The following ARPC1A variants were observed in gnomAD, a reference collection of about 807,000 sequenced individuals.
ARPC1A encodes the protein actin related protein 2/3 complex subunit 1A.
In ARPC1A, 8 loss-of-function variants were observed where a neutral mutation model predicts 46.9. The ratio of observed to expected loss-of-function variants is 0.17; its 90% CI spans 0.10 to 0.31. The LOEUF is 0.31. Among genes scored for constraint, ARPC1A ranks in the 10% least tolerant of loss-of-function variants. The pLI is 1.00. For missense variants in ARPC1A, 286 were observed against 483.6 expected (o/e 0.59, Z 3.83); for synonymous variants, 152 against 169.0 (o/e 0.90, Z 0.78).
chr7:99,341,217 G>A (rs555115147), intron 3 of ARPC1A, among the ~76,000 whole-genome samples: 2 of 152,260 alleles, frequency 1.3e-5, no homozygotes, highest in African/African-American at 4.8e-5. Flanking sequence ...GCTGAGACAT[G>A]AGAATCGCTT....
chr7:99,340,999 A>G (rs1584378073), intron 3 of ARPC1A, among the ~76,000 whole-genome samples: 2 of 152,184 alleles, frequency 1.3e-5, no homozygotes, highest in African/African-American at 4.8e-5. Context: ...TAAGAATAAG[A>G]ATACTCATAT....
chr7:99,347,597 G>A (rs894193115), intron 4 of ARPC1A, among the ~76,000 whole-genome samples: 6 of 152,028 alleles, frequency 3.9e-5, no homozygotes, highest in South Asian at 2.1e-4. Context: ...CCCAGCTATC[G>A]GGAGGCTGAG....
intron 3 of ARPC1A, among the ~76,000 whole-genome samples, chr7:99,340,604 G>C (rs916800365): frequency 6.6e-6 from 1 of 152,110 alleles, no homozygotes; most frequent in East Asian, 1.9e-4. Context: ...CAGCACACCC[G>C]GCTAATTTTT....
chr7:99,330,842 A>G (rs1793133403), intron 1 of ARPC1A, among the ~76,000 whole-genome samples: 1 of 152,158 alleles, frequency 6.6e-6, no homozygotes, highest in Non-Finnish European at 1.5e-5. Context: ...CCTCCTGGAA[A>G]TGATAAAGTT....
chr7:99,356,541 G>T (rs1381199762), intron 6 of ARPC1A, among the ~76,000 whole-genome samples: 1 of 147,180 alleles, frequency 6.8e-6, no homozygotes, highest in Non-Finnish European at 1.5e-5. Flanking sequence ...GCAGGCAGAG[G>T]TTGCAATGAG....
chr7:99,343,835 T>G (rs989178871), intron 3 of ARPC1A, among the ~76,000 whole-genome samples: 1 of 152,200 alleles, frequency 6.6e-6, no homozygotes, highest in African/African-American at 2.4e-5. Flanking sequence ...TAAAGATTAT[T>G]TTTATTTACC....
At chr7:99,341,595 G>A (rs1793357877) in intron 3 of ARPC1A, among the ~76,000 whole-genome samples, 1 of 120,742 alleles carries the variant, frequency 8.3e-6, no homozygotes, top group Admixed American at 9.4e-5. Flanking sequence ...GACAATAAGA[G>A]CAAAACTCTG....
chr7:99,329,255 C>T (rs1478125783), intron 1 of ARPC1A, among the ~76,000 whole-genome samples: 4 of 150,280 alleles, frequency 2.7e-5, no homozygotes, highest in African/African-American at 7.3e-5. Context: ...GAGCCGAGAT[C>T]GTGCCACTGT....
intron 1 of ARPC1A, among the ~76,000 whole-genome samples, chr7:99,330,110 T>A (rs1482902997): frequency 6.6e-6 from 1 of 152,258 alleles, no homozygotes; most frequent in Non-Finnish European, 1.5e-5. Flanking sequence ...GCATTTAAAA[T>A]TTTTTTAAAT....
chr7:99,326,793 T>C (rs2150854899), intron 1 of ARPC1A, among the ~76,000 whole-genome samples: 1 of 152,328 alleles, frequency 6.6e-6, no homozygotes, highest in Non-Finnish European at 1.5e-5. Context: ...ATTCTATGCA[T>C]ATCCGTCTTC....
chr7:99,357,461 CA>C (rs1793658702), intron 6 of ARPC1A, among the ~76,000 whole-genome samples: 1 of 151,826 alleles, frequency 6.6e-6, no homozygotes. Context: ...GCTGGAGCCA[CA>C]GACGTGCACC....
At chr7:99,355,581 CAAAA>C (rs1793614198) in intron 6 of ARPC1A, among the ~76,000 whole-genome samples, 1 of 150,998 alleles carries the variant, frequency 6.6e-6, no homozygotes. Context: ...CCTGTCTCTA[CAAAA>C]ATACAAAAAT....
intron 4 of ARPC1A, among the ~76,000 whole-genome samples, 154 bp downstream of exon 4, chr7:99,344,669 T>C (rs1793411341): frequency 6.6e-6 from 1 of 152,142 alleles, no homozygotes; most frequent in South Asian, 2.1e-4. Flanking sequence ...TCCCTTCTCA[T>C]GTGCATGTTA....
intron 2 of ARPC1A, among the ~76,000 whole-genome samples, chr7:99,337,291 C>G (rs1366943984): frequency 4.6e-5 from 7 of 152,148 alleles, no homozygotes; most frequent in African/African-American, 1.7e-4. Context: ...CGTGGTGGCG[C>G]ATGCCTGTAA....
intron 3 of ARPC1A, among the ~76,000 whole-genome samples, chr7:99,342,266 A>G (rs906360213): frequency 6.6e-6 from 1 of 152,160 alleles, no homozygotes; most frequent in African/African-American, 2.4e-5. Context: ...TCTTTTTAAT[A>G]ATAATAAATA....
intron 2 of ARPC1A, among the ~76,000 whole-genome samples, chr7:99,333,999 G>T (rs567690418): frequency 4.7e-5 from 7 of 147,416 alleles, no homozygotes; most frequent in South Asian, 4.2e-4. Context: ...AACTGTGTGT[G>T]TGTGTACACA....
intron 5 of ARPC1A, among the ~76,000 whole-genome samples, chr7:99,350,762 C>G (rs1793533162): frequency 6.7e-6 from 1 of 150,050 alleles, no homozygotes; most frequent in Non-Finnish European, 1.5e-5. Context: ...CCTCCCACCT[C>G]AGTCTCCTGA....
At chr7:99,363,978 G>A (rs1031325913) in intron 9 of ARPC1A, among the ~76,000 whole-genome samples, 18 of 151,780 alleles carry the variant, frequency 1.2e-4, no homozygotes, top group African/African-American at 4.4e-4. Flanking sequence ...TTTTTGAGAT[G>A]GAGTCTTGTT....
At chr7:99,335,569 T>A (rs190957445) in intron 2 of ARPC1A, 2 of 292,082 alleles carry the variant, frequency 6.8e-6, no homozygotes, top group Non-Finnish European at 1.4e-5. Context: ...CATTTCCATA[T>A]GAATTTTAGG....
Sources: allele counts gnomAD v4.1 joint callset (sites outside exome capture counted in the v4.1 genomes callset), GRCh38; gene constraint gnomAD v4.1.1; transcripts MANE v1.5; gene names NCBI Gene and HGNC (gene_info 2026-07-23, HGNC 2026-07-21).